EMSY: variants seen among roughly 807,000 people sequenced by gnomAD.
EMSY encodes the protein EMSY transcriptional repressor, BRCA2 interacting, also known as BRCA2-interacting transcriptional repressor EMSY.
In EMSY, 26 loss-of-function variants were observed where a neutral mutation model predicts 134.6. That is an observed-to-expected ratio of 0.19 (90% confidence interval 0.14 to 0.27). The LOEUF (loss-of-function observed/expected upper bound fraction) is 0.27, where lower values mean the gene tolerates loss of function less well. Ranked by LOEUF, EMSY falls within the 10% of genes least tolerant of loss-of-function variation. The pLI, the probability that EMSY is intolerant of heterozygous loss-of-function variation, is 1.00. For missense variants in EMSY, 1,305 were observed against 1,611.4 expected, an observed-to-expected ratio of 0.81 and a Z score of 3.26; for synonymous variants, 579 against 577.8, an observed-to-expected ratio of 1.00 and a Z score of -0.03.
intron 17 of EMSY, 35 bp from the exon 19 acceptor site, chr11:76,542,181 T>G (rs1226685033): frequency 6.2e-7 from 1 of 1,612,312 alleles, no homozygotes; most frequent in African/African-American, 1.3e-5. Context: ...CTGTGGTGAT[T>G]TCTGGAGAAA....
At chr11:76,548,244 G>T (rs933765870) in intron 20 of EMSY, among the ~76,000 whole-genome samples, 1 of 152,174 alleles carries the variant, frequency 6.6e-6, no homozygotes, top group African/African-American at 2.4e-5. Flanking sequence ...TTGATCTGAA[G>T]TATTGATTTG....
At chr11:76,510,992 G>A (rs1054563638) in intron 9 of EMSY, among the ~76,000 whole-genome samples, 30 of 152,128 alleles carry the variant, frequency 2.0e-4, no homozygotes, top group African/African-American at 7.0e-4. Context: ...CCCTTGGCAC[G>A]ATTTCTGGAC....
intron 7 of EMSY, among the ~76,000 whole-genome samples, chr11:76,469,692 G>A (rs374857991): frequency 1.6e-4 from 25 of 152,242 alleles, no homozygotes; most frequent in African/African-American, 5.5e-4. Flanking sequence ...ACTTTGCAAG[G>A]TAGGTATTAT....
intron 7 of EMSY, among the ~76,000 whole-genome samples, chr11:76,468,054 T>C (rs958401152): frequency 1.3e-5 from 2 of 152,136 alleles, no homozygotes; most frequent in African/African-American, 4.8e-5. Flanking sequence ...CTAACACTAT[T>C]AACTTTTCAG....
chr11:76,483,926 C>T (rs1261324003), intron 8 of EMSY, among the ~76,000 whole-genome samples: 3 of 152,152 alleles, frequency 2.0e-5, no homozygotes, highest in African/African-American at 7.2e-5. Context: ...AACTCTCCAC[C>T]CCAAATCAAC....
intron 9 of EMSY, among the ~76,000 whole-genome samples, chr11:76,508,021 A>G (rs1021038223): frequency 2.0e-5 from 3 of 151,780 alleles, no homozygotes; most frequent in South Asian, 2.1e-4. Flanking sequence ...GAGCCATAGC[A>G]TGCCTGGCTA....
intron 14 of EMSY, among the ~76,000 whole-genome samples, chr11:76,529,435 T>A (rs973635703): frequency 2.0e-5 from 3 of 152,182 alleles, no homozygotes; most frequent in African/African-American, 7.2e-5. Flanking sequence ...ATGGTTCACA[T>A]TGCTGATTAG....
At chr11:76,522,759 T>C (rs1042245801) in intron 11 of EMSY, among the ~76,000 whole-genome samples, 2 of 152,254 alleles carry the variant, frequency 1.3e-5, no homozygotes, top group African/African-American at 2.4e-5. Context: ...ATTTACTTCA[T>C]GTTCTTTTTT....
chr11:76,472,975 C>A, intron 8 of EMSY, 135 bp downstream of exon 9: 1 of 829,764 alleles, frequency 1.2e-6, no homozygotes, highest in Non-Finnish European at 1.8e-6. Context: ...CCGTGTACCC[C>A]AGTTTGAGAA....
intron 14 of EMSY, among the ~76,000 whole-genome samples, chr11:76,530,394 CA>C (rs1950996067): frequency 6.6e-6 from 1 of 152,056 alleles, no homozygotes; most frequent in South Asian, 2.1e-4. Context: ...CTCCTGACTT[CA>C]AGTAATCCAC....
Position 76,489,796 on chromosome 11 carries a change from C to A in EMSY, c.1109-6419C>A, listed in dbSNP as rs369321237. On this transcript the variant is annotated intron_variant, in intron 8 of 20. Coordinates refer to ENST00000334736, the Ensembl canonical transcript of EMSY. ...ATTTTTGTATTTTTAGTAGAGTCAG[C>A]GTCTCACCATGTTGGCCAGGCTGGT... is the stretch of plus-strand genomic sequence containing the variant. Among the ~76,000 whole-genome samples, 6 of 151,896 alleles carry A rather than the reference C, an allele frequency of 4.0e-5. 1 individual carries two copies. Among genetic ancestry groups the A allele is most frequent in the Admixed American group, 3.9e-4 (6 of 15,246 alleles).
intron 7 of EMSY, among the ~76,000 whole-genome samples, chr11:76,466,318 C>T (rs1948350985): frequency 6.6e-6 from 1 of 152,182 alleles, no homozygotes; most frequent in Non-Finnish European, 1.5e-5. Context: ...CTTTCTGGGG[C>T]TCACAAATGC....
intron 10 of EMSY, among the ~76,000 whole-genome samples, chr11:76,515,458 G>A (rs1381240117): frequency 3.9e-5 from 6 of 152,094 alleles, no homozygotes; most frequent in Admixed American, 3.9e-4. Context: ...AAATAGTGGG[G>A]AAGGGTATAA....
chr11:76,532,902 C>G (rs1172384811), intron 14 of EMSY, among the ~76,000 whole-genome samples: 1 of 152,148 alleles, frequency 6.6e-6, no homozygotes, highest in Non-Finnish European at 1.5e-5. Flanking sequence ...CAGAAACATA[C>G]TTATTGCAGA....
At chr11:76,531,060 C>G (rs1229957686) in intron 14 of EMSY, among the ~76,000 whole-genome samples, 1 of 152,036 alleles carries the variant, frequency 6.6e-6, no homozygotes, top group Non-Finnish European at 1.5e-5. Flanking sequence ...TGATTCTCTG[C>G]CCCCCTTCTG....
chr11:76,531,259 A>C (rs1468603208), intron 14 of EMSY, among the ~76,000 whole-genome samples: 2 of 152,206 alleles, frequency 1.3e-5, no homozygotes, highest in Non-Finnish European at 2.9e-5. Context: ...TCCATATTCA[A>C]ATATTGTTAA....
intron 12 of EMSY, among the ~76,000 whole-genome samples, chr11:76,526,032 A>C (rs905085097): frequency 2.0e-5 from 3 of 152,166 alleles, no homozygotes; most frequent in African/African-American, 2.4e-5. Context: ...TAATTTTCTA[A>C]TTACACAAAT....
chr11:76,455,524 T>G (rs1463597651), intron 4 of EMSY, among the ~76,000 whole-genome samples: 1 of 152,070 alleles, frequency 6.6e-6, no homozygotes, highest in Non-Finnish European at 1.5e-5. Context: ...GGAATGCGCC[T>G]GAACTGACTG....
At chr11:76,546,091 A>G (rs1240742698) in exon 20 of EMSY, 2 of 1,613,898 alleles carry the variant, frequency 1.2e-6, no homozygotes, top group South Asian at 1.1e-5. Context: ...ATTACCCTCC[A>G]CCCACATGGT....
Sources: allele counts gnomAD v4.1 joint callset (sites outside exome capture counted in the v4.1 genomes callset), GRCh38; gene constraint gnomAD v4.1.1; transcripts MANE v1.5; gene names NCBI Gene and HGNC (gene_info 2026-07-23, HGNC 2026-07-21).